The following CUX2 variants were observed in gnomAD, a reference collection of about 807,000 sequenced individuals.
The protein encoded by CUX2 is homeobox protein cut-like 2.
A neutral mutation model predicts 144.8 loss-of-function variants in CUX2; 40 were observed. The observed-to-expected ratio is 0.28, with a 90% CI of 0.21 to 0.36. The LOEUF (loss-of-function observed/expected upper bound fraction) is 0.36, where lower values mean the gene tolerates loss of function less well. Ranked by LOEUF, CUX2 falls within the 10% of genes least tolerant of loss-of-function variation. CUX2 has a pLI of 1.00. For synonymous variants in CUX2, 827 were observed against 875.6 expected (o/e 0.94, Z 0.98); for missense variants, 1,615 against 1,994.0 (o/e 0.81, Z 3.62).
chr12:111,324,054 A>C (rs183938205), intron 18 of CUX2, among the ~76,000 whole-genome samples: 2 of 152,026 alleles, frequency 1.3e-5, no homozygotes, highest in African/African-American at 4.8e-5. Context: ...AAGAATTAAT[A>C]AAATGAAATG....
At chr12:111,168,382 C>G (rs1383537983) in intron 1 of CUX2, among the ~76,000 whole-genome samples, 2 of 152,238 alleles carry the variant, frequency 1.3e-5, no homozygotes, top group African/African-American at 2.4e-5. Flanking sequence ...GATTCCAGGG[C>G]TGCTCAGAAG....
Position 111,347,613 on chromosome 12 carries a change from G to C in CUX2, c.3749G>C (p.Gly1250Ala). The C allele has an allele frequency of 6.2e-7, 1 of 1,613,798 alleles. No homozygotes were observed. Among genetic ancestry groups the C allele is most frequent in the South Asian group, 1.1e-5 (1 of 91,048 alleles). ...PSGGPGILPP[G>A]HSHPDPTPQS... Reference sequence around the variant, plus strand: ...GGGGGTCCTGGAATCCTACCGCCAGGCCACTCCCACCCAGACCCCACCCCG... The same window carrying C: ...GGGGGTCCTGGAATCCTACCGCCAGCCCACTCCCACCCAGACCCCACCCCG... The change falls in exon 22 of 22, where the codon GGC (glycine) becomes GCC (alanine). Residue 1250 changes from glycine to alanine, a missense_variant. Transcript: ENST00000261726.
chr12:111,212,221 G>A (rs1429185902), intron 1 of CUX2, among the ~76,000 whole-genome samples: 1 of 152,192 alleles, frequency 6.6e-6, no homozygotes, highest in Non-Finnish European at 1.5e-5. Context: ...AGTTTTAAGT[G>A]ATGATGAACC....
intron 1 of CUX2, among the ~76,000 whole-genome samples, chr12:111,147,276 A>G (rs1276701157): frequency 6.6e-6 from 1 of 152,240 alleles, no homozygotes; most frequent in African/African-American, 2.4e-5. Flanking sequence ...AACCAGTTCT[A>G]TCTGATTCTT....
intron 1 of CUX2, among the ~76,000 whole-genome samples, chr12:111,210,789 C>T (rs1881179881): frequency 6.7e-6 from 1 of 149,018 alleles, no homozygotes; most frequent in South Asian, 2.2e-4. Context: ...AAGAGTGAGA[C>T]CCTGTCTCAA....
At chr12:111,345,517 G>A (rs563474120) in intron 21 of CUX2, among the ~76,000 whole-genome samples, 41 of 151,510 alleles carry the variant, frequency 2.7e-4, no homozygotes, top group Admixed American at 4.6e-4. Flanking sequence ...GCCAAGGCGG[G>A]TGGGTCACGA....
chr12:111,263,310 GA>G lies in CUX2; in HGVS notation c.223-443del, dbSNP rs1165642924. Among the ~76,000 whole-genome samples, 1 of 151,798 alleles carries G rather than the reference GA, an allele frequency of 6.6e-6. No individual in the cohort carries two copies. The highest frequency in any genetic ancestry group is 1.5e-5 in the Non-Finnish European group (1 of 67,916). ...AAGACCCCATCGCTTAAACAAACAA[GA>G]AAAAAAATACATGGCCAGCCATGGT... On this transcript the variant is annotated intron_variant, in intron 3 of 21. Transcript: ENST00000261726. The surrounding 1 kb of genome is among the most constrained non-coding windows in gnomAD (Gnocchi z 4.0).
Position 111,322,347 on chromosome 12 carries a change from T to TG in CUX2, c.2767-74_2767-73insG. 1 of 1,057,566 alleles carries TG rather than the reference T, an allele frequency of 9.5e-7. No homozygotes were observed. Among genetic ancestry groups the TG allele is most frequent in the Non-Finnish European group, 1.3e-6 (1 of 794,886 alleles). 65.5% of individuals were successfully genotyped at this position (1,057,566 alleles called of 1,614,324 possible). A position where few individuals can be genotyped will look rare whatever the true frequency, so the allele number is the denominator to read the frequency against. Reference sequence around the variant, plus strand: ...AAAAAAAAAAAAAAAAAAAAAAAGGTTGGGGAGGAGAGTGAGGGCCAGGCC... The same window carrying TG: ...AAAAAAAAAAAAAAAAAAAAAAAGGTGTGGGGAGGAGAGTGAGGGCCAGGCC... On this transcript the variant is annotated intron_variant, in intron 17 of 21. Transcript: ENST00000261726. This position sits in a 1 kb window ranked among gnomAD's most constrained non-coding sequence, Gnocchi z 4.2.
chr12:111,208,880 G>T (rs1041589076), intron 1 of CUX2, among the ~76,000 whole-genome samples: 1 of 152,094 alleles, frequency 6.6e-6, no homozygotes, highest in African/African-American at 2.4e-5. Context: ...TTTGTTTTTG[G>T]TTATACTTTT....
At chr12:111,281,608 C>T (rs1262836264) in intron 4 of CUX2, among the ~76,000 whole-genome samples, 2 of 152,230 alleles carry the variant, frequency 1.3e-5, no homozygotes, top group South Asian at 2.1e-4. Flanking sequence ...GTGAAGCAGG[C>T]GCAAGGACTC....
chr12:111,170,580 G>T (rs1878461769), intron 1 of CUX2, among the ~76,000 whole-genome samples: 1 of 117,140 alleles, frequency 8.5e-6, no homozygotes, highest in African/African-American at 3.4e-5. Flanking sequence ...TTGAGACGGT[G>T]TGTCACTCTG....
At chr12:111,119,598 A>G (rs541172477) in intron 1 of CUX2, among the ~76,000 whole-genome samples, 2 of 152,298 alleles carry the variant, frequency 1.3e-5, no homozygotes, top group South Asian at 4.1e-4. Flanking sequence ...CTCATCTGAT[A>G]GGCAAAAACG....
At chr12:111,118,964 G>A (rs1874463487) in intron 1 of CUX2, among the ~76,000 whole-genome samples, 1 of 152,156 alleles carries the variant, frequency 6.6e-6, no homozygotes, top group Non-Finnish European at 1.5e-5. Flanking sequence ...AACATGTTAG[G>A]AAAATTGAGA....
intron 1 of CUX2, among the ~76,000 whole-genome samples, chr12:111,094,158 CCTT>C (rs1872690191): frequency 1.3e-5 from 2 of 152,226 alleles, no homozygotes; most frequent in South Asian, 4.1e-4. Flanking sequence ...AGCTTTATAA[CCTT>C]CTGGCAGAGG....
At chr12:111,198,474 CAAA>C (rs1462714448) in intron 1 of CUX2, among the ~76,000 whole-genome samples, 4 of 122,660 alleles carry the variant, frequency 3.3e-5, no homozygotes, top group Admixed American at 8.6e-5. Context: ...GACCCTGTCT[CAAA>C]AAAAAAAAAA....
At chr12:111,088,075 C>T (rs773765315) in intron 1 of CUX2, among the ~76,000 whole-genome samples, 2 of 152,170 alleles carry the variant, frequency 1.3e-5, no homozygotes, top group Non-Finnish European at 1.5e-5. Flanking sequence ...AAGGATTCCA[C>T]TTACTTAGCA....
At chr12:111,056,138 C>T (rs554964218) in intron 1 of CUX2, among the ~76,000 whole-genome samples, 25 of 152,190 alleles carry the variant, frequency 1.6e-4, no homozygotes, top group Non-Finnish European at 3.5e-4. Flanking sequence ...TCCATGGATG[C>T]GTTTCTCATG....
chr12:111,268,624 C>A (rs910403044), intron 4 of CUX2, among the ~76,000 whole-genome samples: 1 of 152,204 alleles, frequency 6.6e-6, no homozygotes, highest in Non-Finnish European at 1.5e-5. Context: ...GAGGACATGG[C>A]GCTATGGCAC....
At chr12:111,226,947 G>A (rs1160907787) in intron 3 of CUX2, among the ~76,000 whole-genome samples, 1 of 152,236 alleles carries the variant, frequency 6.6e-6, no homozygotes, top group Non-Finnish European at 1.5e-5. Context: ...GGGGAGATAA[G>A]GCCGCTGGGC....
Sources: gnomAD v4.1 joint callset for allele counts (sites outside exome capture counted in the v4.1 genomes callset) on GRCh38, gnomAD v4.1.1 for gene constraint, Gnocchi (gnomAD v3.1) non-coding constraint, MANE v1.5 for transcripts, NCBI Gene and HGNC (gene_info 2026-07-23, HGNC 2026-07-21) for gene names.